The following PTPRK variants were observed in gnomAD, a reference collection of about 807,000 sequenced individuals.
The protein encoded by PTPRK is receptor-type tyrosine-protein phosphatase kappa.
Under a neutral mutation model 178.0 loss-of-function variants are expected in PTPRK, and 75 were observed. The observed-to-expected ratio is 0.42, with a 90% confidence interval of 0.35 to 0.51. The LOEUF is 0.51. Among genes scored for constraint, PTPRK ranks in the 20% least tolerant of loss-of-function variants. The pLI, the probability that PTPRK is intolerant of heterozygous loss-of-function variation, is 0.02. For synonymous variants in PTPRK, 637 were observed against 620.6 expected, an observed-to-expected ratio of 1.03 and a Z score of -0.39; for missense variants, 1,441 against 1,797.8, an observed-to-expected ratio of 0.80 and a Z score of 3.59.
chr6:128,247,932 A>C (rs1815774436), intron 3 of PTPRK, among the ~76,000 whole-genome samples: 1 of 152,186 alleles, frequency 6.6e-6, no homozygotes, highest in South Asian at 2.1e-4. Flanking sequence ...ACCTCCTTAA[A>C]TTCATGTTTT....
chr6:128,295,914 G>C (rs916616727), intron 3 of PTPRK, among the ~76,000 whole-genome samples: 8 of 152,038 alleles, frequency 5.3e-5, no homozygotes, highest in Non-Finnish European at 1.2e-4. Context: ...TGTTGAAAAG[G>C]CTAAAAAAGA....
intron 2 of PTPRK, among the ~76,000 whole-genome samples, chr6:128,380,294 T>C (rs1445462572): frequency 6.6e-6 from 1 of 151,930 alleles, no homozygotes; most frequent in Admixed American, 6.6e-5. Flanking sequence ...ATTAAAAGGG[T>C]GCAAAGGAGA....
At chr6:128,422,698 A>AC (rs1843633875) in intron 1 of PTPRK, among the ~76,000 whole-genome samples, 1 of 150,994 alleles carries the variant, frequency 6.6e-6, no homozygotes, top group East Asian at 1.9e-4. Flanking sequence ...AAAAAAAAAA[A>AC]AAAAAACCTG....
At chr6:128,098,862 C>T (rs1788325244) in intron 7 of PTPRK, among the ~76,000 whole-genome samples, 2 of 151,810 alleles carry the variant, frequency 1.3e-5, no homozygotes, top group Non-Finnish European at 2.9e-5. Context: ...TGGTATATGC[C>T]TTAAAACGAC....
At chr6:128,115,981 C>G (rs989878925) in intron 7 of PTPRK, among the ~76,000 whole-genome samples, 6 of 152,104 alleles carry the variant, frequency 3.9e-5, no homozygotes, top group African/African-American at 1.4e-4. Flanking sequence ...ACCCTGAATC[C>G]TCACTAAAGC....
intron 2 of PTPRK, among the ~76,000 whole-genome samples, chr6:128,352,237 G>C (rs528147765): frequency 7.6e-6 from 1 of 131,160 alleles, no homozygotes; most frequent in East Asian, 2.2e-4. Flanking sequence ...CTGGGTGACA[G>C]AGCGAGACTT....
intron 3 of PTPRK, among the ~76,000 whole-genome samples, chr6:128,296,421 G>C (rs1221535190): frequency 6.6e-6 from 1 of 152,096 alleles, no homozygotes; most frequent in East Asian, 1.9e-4. Flanking sequence ...ACACATAATT[G>C]TCAGATTCAC....
rs149344376 is a variant in PTPRK at position 128,035,014 on chromosome 6, T to G, written c.2195-25746A>C. On this transcript the variant is annotated intron_variant, in intron 13 of 29. Transcript: ENST00000368226. Reference sequence around the variant, plus strand: ...TCCATTTATGCTGGTTAAAGAAAATTTAGACAGTGGTCATTTTCTGATATT... The same window carrying G: ...TCCATTTATGCTGGTTAAAGAAAATGTAGACAGTGGTCATTTTCTGATATT... Among the ~76,000 whole-genome samples the G allele has an allele frequency of 8.8e-3, 1,339 of 152,276 alleles. 48 individuals are homozygous for G. The highest frequency in any genetic ancestry group is 0.052 in the East Asian group (268 of 5,172).
At chr6:128,390,970 G>A (rs569356915) in intron 2 of PTPRK, among the ~76,000 whole-genome samples, 4 of 152,050 alleles carry the variant, frequency 2.6e-5, no homozygotes, top group Non-Finnish European at 5.9e-5. Flanking sequence ...ATGTCTCTAC[G>A]TGTTTTTCAG....
intron 5 of PTPRK, among the ~76,000 whole-genome samples, chr6:128,229,444 G>A (rs1274264756): frequency 6.6e-6 from 1 of 152,080 alleles, no homozygotes; most frequent in Non-Finnish European, 1.5e-5. Context: ...AAATATATGT[G>A]TATGTATTTT....
intron 6 of PTPRK, among the ~76,000 whole-genome samples, chr6:128,197,929 C>T (rs1805197486): frequency 6.6e-6 from 1 of 152,098 alleles, no homozygotes; most frequent in Non-Finnish European, 1.5e-5. Context: ...GTAATGAGAC[C>T]TAGAACACTT....
intron 13 of PTPRK, among the ~76,000 whole-genome samples, chr6:128,051,170 C>T (rs969147494): frequency 6.6e-6 from 1 of 152,140 alleles, no homozygotes; most frequent in Non-Finnish European, 1.5e-5. Flanking sequence ...TATATCACTG[C>T]CTACTTCCTC....
intron 1 of PTPRK, among the ~76,000 whole-genome samples, chr6:128,508,745 C>T (rs1214745480): frequency 6.6e-6 from 1 of 151,884 alleles, no homozygotes; most frequent in Admixed American, 6.5e-5. Flanking sequence ...GAGTTCAAGA[C>T]CAGCCTGGCC....
At chr6:128,008,797 A>C (rs909860151) in intron 14 of PTPRK, among the ~76,000 whole-genome samples, 1 of 151,164 alleles carries the variant, frequency 6.6e-6, no homozygotes, top group African/African-American at 2.4e-5. Flanking sequence ...AAGTATCACA[A>C]TAAATCCATA....
chr6:128,239,929 ACG>A, intron 5 of PTPRK, 104 bp downstream of exon 5: 6 of 757,840 alleles, frequency 7.9e-6, no homozygotes, highest in South Asian at 3.7e-5. Context: ...GCGTGTGCAC[ACG>A]CACACACACA....
intron 3 of PTPRK, among the ~76,000 whole-genome samples, chr6:128,297,497 T>C (rs1208381365): frequency 6.6e-6 from 1 of 152,112 alleles, no homozygotes; most frequent in African/African-American, 2.4e-5. Context: ...TCAGCAAATG[T>C]AAAAGATCAG....
intron 7 of PTPRK, among the ~76,000 whole-genome samples, chr6:128,122,268 A>G (rs990313263): frequency 2.0e-5 from 3 of 152,094 alleles, no homozygotes; most frequent in African/African-American, 7.2e-5. Context: ...GGTGGGGAGG[A>G]GTTTGGGGTT....
intron 3 of PTPRK, among the ~76,000 whole-genome samples, chr6:128,300,477 G>A (rs1359696792): frequency 6.6e-6 from 1 of 151,968 alleles, no homozygotes; most frequent in Non-Finnish European, 1.5e-5. Flanking sequence ...CAACCCAAAT[G>A]TCCAACAATG....
intron 15 of PTPRK, among the ~76,000 whole-genome samples, chr6:128,002,965 C>A (rs1778007887): frequency 6.6e-6 from 1 of 151,840 alleles, no homozygotes; most frequent in Non-Finnish European, 1.5e-5. Context: ...TACTTTTGCT[C>A]CAAATCTAAC....
Sources: gnomAD v4.1 joint callset for allele counts (sites outside exome capture counted in the v4.1 genomes callset) on GRCh38, gnomAD v4.1.1 for gene constraint, MANE v1.5 for transcripts, NCBI Gene and HGNC (gene_info 2026-07-23, HGNC 2026-07-21) for gene names.